RSU1: variants seen among roughly 807,000 people sequenced by gnomAD.
RSU1 encodes Ras suppressor protein 1.
In RSU1, 26 loss-of-function variants were observed where a neutral mutation model predicts 31.1. The observed-to-expected ratio is 0.84, with a 90% CI of 0.61 to 1.16. The LOEUF (loss-of-function observed/expected upper bound fraction) is 1.16, where lower values mean the gene tolerates loss of function less well. Among genes scored for constraint, RSU1 ranks in the 50% most tolerant of loss-of-function variants. RSU1 has a pLI of 0.00. For synonymous variants in RSU1, 164 were observed against 136.3 expected, an observed-to-expected ratio of 1.20 and a Z score of -1.41; for missense variants, 320 against 339.1, an observed-to-expected ratio of 0.94 and a Z score of 0.44.
At chr10:16,667,690 G>A (rs1455892862) in intron 8 of RSU1, among the ~76,000 whole-genome samples, 1 of 152,118 alleles carries the variant, frequency 6.6e-6, no homozygotes, top group Non-Finnish European at 1.5e-5. Context: ...GTTTTGCCAT[G>A]TTGGCCAGGC....
chr10:16,635,811 C>T (rs541108254), intron 8 of RSU1, among the ~76,000 whole-genome samples: 6 of 152,332 alleles, frequency 3.9e-5, no homozygotes, highest in South Asian at 2.1e-4. Context: ...AGCTTCTAGC[C>T]CCATTTCGTC....
At chr10:16,771,995 T>C (rs781401936) in intron 3 of RSU1, among the ~76,000 whole-genome samples, 1 of 152,202 alleles carries the variant, frequency 6.6e-6, no homozygotes, top group Non-Finnish European at 1.5e-5. Context: ...ACAACAAGTA[T>C]TACTGGGGAC....
chr10:16,803,957 T>C (rs1838214642), intron 2 of RSU1, among the ~76,000 whole-genome samples: 1 of 152,150 alleles, frequency 6.6e-6, no homozygotes, highest in African/African-American at 2.4e-5. Context: ...AAGGCACAAC[T>C]TACGAAGGAA....
At position 16,759,637 on chromosome 10, in the gene RSU1, G is replaced by C. The variant is rs182794875; in HGVS notation, c.282-4648C>G. ...ACGTTATTCCCGAACAGTTGGGCAC[G>C]GTGGTCCTGCAGTGAAGTTACCCTA... On this transcript the variant is annotated intron_variant, in intron 4 of 8. Transcript: ENST00000345264. 5.9e-5 allele frequency among the ~76,000 whole-genome samples: 9 copies of C among 152,288 alleles called. No individual in the cohort carries two copies. In the South Asian group the frequency reaches 1.2e-3, roughly 21 times the overall value.
intron 8 of RSU1, among the ~76,000 whole-genome samples, chr10:16,679,646 T>A (rs903156802): frequency 2.0e-5 from 3 of 152,032 alleles, no homozygotes; most frequent in Non-Finnish European, 2.9e-5. Flanking sequence ...CACGTGGACG[T>A]GAGGTGGAAA....
chr10:16,653,934 A>G (rs1030737035), intron 8 of RSU1, among the ~76,000 whole-genome samples: 1 of 152,092 alleles, frequency 6.6e-6, no homozygotes, highest in Non-Finnish European at 1.5e-5. Flanking sequence ...CTCTACATTA[A>G]TAATGCCTGT....
At chr10:16,779,317 T>C (rs1837603653) in intron 3 of RSU1, among the ~76,000 whole-genome samples, 1 of 152,174 alleles carries the variant, frequency 6.6e-6, no homozygotes, top group South Asian at 2.1e-4. Flanking sequence ...CCCAGATTCT[T>C]GAGGAATTTC....
At chr10:16,785,142 T>C (rs1837745287) in intron 2 of RSU1, among the ~76,000 whole-genome samples, 1 of 152,072 alleles carries the variant, frequency 6.6e-6, no homozygotes, top group Non-Finnish European at 1.5e-5. Flanking sequence ...ACCCTTAATT[T>C]TGGGTGGGCA....
At chr10:16,791,254 T>C (rs936700115) in intron 2 of RSU1, among the ~76,000 whole-genome samples, 4 of 152,120 alleles carry the variant, frequency 2.6e-5, no homozygotes, top group Admixed American at 1.3e-4. Flanking sequence ...CTCGAACTCC[T>C]GACCTCAGGT....
In RSU1 at chr10:16,592,348, T is replaced by TTTA. The variant is rs1430607164; in HGVS notation, c.*1043_*1045dup. On this transcript the variant is annotated 3_prime_UTR_variant, in exon 9 of 9. Coordinates refer to ENST00000345264, the MANE Select transcript of RSU1 (RefSeq NM_012425.4). ...AGTGAGCACAAAACCTCAGCTTGCATTTATTTTGATTTTCGTAGGTATCAC... is the reference window on the plus strand; with the variant it reads ...AGTGAGCACAAAACCTCAGCTTGCATTTATTATTTTGATTTTCGTAGGTATCAC... 8 of 152,282 alleles carry TTTA rather than the reference T, an allele frequency of 5.3e-5. No individual in the cohort carries two copies. The highest frequency in any genetic ancestry group is 1.9e-4 in the African/African-American group (8 of 41,566). The allele number at this position is 152,282 out of a possible 1,614,324, so 9.4% of individuals were successfully genotyped here.
chr10:16,704,302 A>G (rs1195178274), intron 7 of RSU1, among the ~76,000 whole-genome samples: 2 of 152,166 alleles, frequency 1.3e-5, no homozygotes, highest in Non-Finnish European at 2.9e-5. Context: ...GGAGCTTTGC[A>G]TACATTATTC....
intron 7 of RSU1, among the ~76,000 whole-genome samples, chr10:16,730,649 T>G (rs958282498): frequency 6.6e-6 from 1 of 152,230 alleles, no homozygotes; most frequent in Admixed American, 6.5e-5. Flanking sequence ...AAAAGGTTAC[T>G]TGATATAATC....
At chr10:16,802,626 T>G (rs1176484161) in intron 2 of RSU1, among the ~76,000 whole-genome samples, 1 of 152,144 alleles carries the variant, frequency 6.6e-6, no homozygotes, top group African/African-American at 2.4e-5. Context: ...CTCATGGACA[T>G]AGATACAAAA....
chr10:16,693,962 A>G (rs987201614), intron 8 of RSU1, among the ~76,000 whole-genome samples: 2 of 152,324 alleles, frequency 1.3e-5, no homozygotes, highest in Admixed American at 6.5e-5. Flanking sequence ...TCTTTTTTGT[A>G]TATGCTTAAA....
chr10:16,793,677 G>C (rs1184291281), intron 2 of RSU1, among the ~76,000 whole-genome samples: 2 of 152,094 alleles, frequency 1.3e-5, no homozygotes, highest in Non-Finnish European at 2.9e-5. Context: ...AAAACTTGGT[G>C]AGCTACAGCT....
Position 16,591,571 on chromosome 10 carries a change from CTT to C in RSU1, c.*1821_*1822del, listed in dbSNP as rs1833505060. Reference sequence around the variant, plus strand: ...CCTTAAAAAATATTTGCACATTTCTCTTTGTTACACATGGCTTCTTTTTGCTT... The same window carrying C: ...CCTTAAAAAATATTTGCACATTTCTCTGTTACACATGGCTTCTTTTTGCTT... On this transcript the variant is annotated 3_prime_UTR_variant, in exon 9 of 9. Transcript: ENST00000345264. 6.6e-6 allele frequency: 1 copy of C among 152,092 alleles called. No individual in the cohort carries two copies. The allele number at this position is 152,092 out of a possible 1,614,324, so 9.4% of individuals were successfully genotyped here.
intron 7 of RSU1, among the ~76,000 whole-genome samples, chr10:16,730,060 G>A (rs570558412): frequency 3.9e-4 from 60 of 152,288 alleles, no homozygotes; most frequent in African/African-American, 1.3e-3. Flanking sequence ...GGAAGCTTCC[G>A]CTCAAGGCAG....
chr10:16,808,504 A>C (rs1341006802), intron 2 of RSU1, among the ~76,000 whole-genome samples: 5 of 150,784 alleles, frequency 3.3e-5, no homozygotes, highest in African/African-American at 1.2e-4. Context: ...AAAAAAAAAA[A>C]AACAAAGTGA....
chr10:16,602,758 T>A (rs1248391501), intron 8 of RSU1, among the ~76,000 whole-genome samples: 1 of 152,178 alleles, frequency 6.6e-6, no homozygotes, highest in Non-Finnish European at 1.5e-5. Flanking sequence ...AATTTTAAAA[T>A]CTCAGGATAT....
Sources: gnomAD v4.1 joint callset for allele counts (sites outside exome capture counted in the v4.1 genomes callset) on GRCh38, gnomAD v4.1.1 for gene constraint, MANE v1.5 for transcripts, NCBI Gene and HGNC (gene_info 2026-07-23, HGNC 2026-07-21) for gene names.